The following AKAP6 variants were observed in gnomAD, a reference collection of about 807,000 sequenced individuals.
AKAP6 encodes A-kinase anchor protein 6.
AKAP6 carries 58 observed loss-of-function variants against 188.5 expected under a neutral mutation model. That is an observed-to-expected ratio of 0.31 (90% CI 0.25 to 0.38). AKAP6 has a LOEUF of 0.38. AKAP6 is among the 10% of genes least tolerant of loss of function. The pLI is 1.00. For synonymous variants in AKAP6, 989 were observed against 998.6 expected (o/e 0.99, Z 0.18); for missense variants, 2,710 against 2,740.0 (o/e 0.99, Z 0.24).
chr14:32,353,273 G>A (rs1887354240), intron 1 of AKAP6, among the ~76,000 whole-genome samples: 1 of 152,128 alleles, frequency 6.6e-6, no homozygotes, highest in South Asian at 2.1e-4. Context: ...TTAAAAGTAT[G>A]GCTTTTTGGC....
intron 12 of AKAP6, among the ~76,000 whole-genome samples, chr14:32,781,998 T>G (rs1359118988): frequency 6.6e-6 from 1 of 151,978 alleles, no homozygotes; most frequent in East Asian, 1.9e-4. Flanking sequence ...CCCCCATCTC[T>G]ACTAAAAATA....
intron 2 of AKAP6, among the ~76,000 whole-genome samples, chr14:32,519,355 A>G (rs564957899): frequency 5.9e-4 from 90 of 152,326 alleles, no homozygotes; most frequent in African/African-American, 2.0e-3. Context: ...TATTAACCGT[A>G]AGTGTAAATG....
intron 1 of AKAP6, among the ~76,000 whole-genome samples, chr14:32,420,829 A>G (rs1889816928): frequency 6.7e-6 from 1 of 150,364 alleles, no homozygotes; most frequent in Admixed American, 6.6e-5. Context: ...TCCTGTGCCT[A>G]CTTCTTTCTT....
intron 9 of AKAP6, among the ~76,000 whole-genome samples, chr14:32,725,072 T>C (rs761196279): frequency 1.3e-4 from 19 of 148,320 alleles, no homozygotes; most frequent in Non-Finnish European, 2.4e-4. Flanking sequence ...GGGTTTTTAT[T>C]TGGATTCTCT....
intron 9 of AKAP6, among the ~76,000 whole-genome samples, chr14:32,712,853 A>G (rs2029969946): frequency 6.6e-6 from 1 of 152,172 alleles, no homozygotes; most frequent in African/African-American, 2.4e-5. Flanking sequence ...ACTCCTGTTA[A>G]TGTTGATATT....
chr14:32,613,853 T>A (rs1319916112), intron 7 of AKAP6, among the ~76,000 whole-genome samples: 1 of 152,194 alleles, frequency 6.6e-6, no homozygotes, highest in Non-Finnish European at 1.5e-5. Flanking sequence ...CCCAGCTTTT[T>A]AAATGAAGTT....
intron 7 of AKAP6, among the ~76,000 whole-genome samples, chr14:32,674,055 GAGCTGGAAA>G: frequency 6.6e-6 from 1 of 152,328 alleles, no homozygotes; most frequent in South Asian, 2.1e-4. Flanking sequence ...TATCAGCTGA[GAGCTGGAAA>G]GATGAGAAGA....
chr14:32,486,927 C>T (rs1879726160), intron 2 of AKAP6, among the ~76,000 whole-genome samples: 1 of 152,124 alleles, frequency 6.6e-6, no homozygotes, highest in Admixed American at 6.5e-5. Flanking sequence ...AGCTTTTGCC[C>T]ATTCGGTATG....
chr14:32,687,396 AACTATCTC>A (rs1889969553), intron 8 of AKAP6, among the ~76,000 whole-genome samples: 3 of 116,468 alleles, frequency 2.6e-5, no homozygotes, highest in South Asian at 6.0e-4. Flanking sequence ...CTGTCATACT[AACTATCTC>A]TCTCTCTCTC....
At position 32,506,429 on chromosome 14, in the gene AKAP6, G is replaced by A. The variant is rs148720665; in HGVS notation, c.325-29125G>A. Among the ~76,000 whole-genome samples the A allele has an allele frequency of 8.7e-4, 133 of 152,248 alleles. No homozygotes were observed. In the Middle Eastern group the frequency reaches 0.01, roughly 12 times the overall value. ...AACCAAGCATGACTGAAATTCTGGAGGAAGGGACAGGGAACAGTTGATATA... is the reference window on the plus strand; with the variant it reads ...AACCAAGCATGACTGAAATTCTGGAAGAAGGGACAGGGAACAGTTGATATA... On this transcript the variant is annotated intron_variant, in intron 2 of 13. Transcript: ENST00000280979.
chr14:32,471,588 A>G (rs553486676), intron 2 of AKAP6, among the ~76,000 whole-genome samples: 1 of 152,290 alleles, frequency 6.6e-6, no homozygotes, highest in South Asian at 2.1e-4. Context: ...TGTATTATAC[A>G]TTTACTCAAT....
At chr14:32,671,700 T>G (rs536187111) in intron 7 of AKAP6, among the ~76,000 whole-genome samples, 9 of 152,122 alleles carry the variant, frequency 5.9e-5, no homozygotes, top group Non-Finnish European at 1.2e-4. Flanking sequence ...ACAGAAGGAA[T>G]AGCAGAGGAC....
intron 1 of AKAP6, among the ~76,000 whole-genome samples, chr14:32,361,389 A>G (rs144342762): frequency 2.0e-4 from 30 of 152,306 alleles, no homozygotes; most frequent in Non-Finnish European, 4.1e-4. Flanking sequence ...TGAAGAGCAC[A>G]TGCAAAGGCA....
chr14:32,796,863 C>T (rs894125577), intron 12 of AKAP6, among the ~76,000 whole-genome samples: 8 of 152,146 alleles, frequency 5.3e-5, no homozygotes, highest in African/African-American at 1.7e-4. Flanking sequence ...GAACAGACAA[C>T]CTACAGAATG....
At chr14:32,345,242 A>G (rs1222203304) in intron 1 of AKAP6, among the ~76,000 whole-genome samples, 2 of 152,238 alleles carry the variant, frequency 1.3e-5, no homozygotes, top group African/African-American at 4.8e-5. Context: ...CACACAGTCT[A>G]TCACATACAC....
intron 13 of AKAP6, 77 bp downstream of exon 13, chr14:32,824,892 C>A: frequency 8.1e-7 from 1 of 1,233,480 alleles, no homozygotes; most frequent in Non-Finnish European, 1.1e-6. Context: ...GGAGAAAAGG[C>A]TAGTCAGAAT....
At position 32,462,318 on chromosome 14, in the gene AKAP6, G is replaced by C. The variant is rs559031155; in HGVS notation, c.324+28501G>C. ...TTGTAATGAAGGAAAAAATATTAAGGGTAGCCAGAGAGAAAGGTCAGGTTA... is the reference window on the plus strand; with the variant it reads ...TTGTAATGAAGGAAAAAATATTAAGCGTAGCCAGAGAGAAAGGTCAGGTTA... On this transcript the variant is annotated intron_variant, in intron 2 of 13. Coordinates refer to ENST00000280979, the MANE Select transcript of AKAP6 (RefSeq NM_004274.5). Among the ~76,000 whole-genome samples, 235 of 152,180 alleles carry C rather than the reference G, an allele frequency of 1.5e-3. 1 individual carries two copies. The highest frequency in any genetic ancestry group is 2.8e-3 in the Non-Finnish European group (189 of 68,008).
rs1285402910 is a variant in AKAP6 at position 32,578,324 on chromosome 14, A to C, written c.2469+1082A>C. Among the ~76,000 whole-genome samples, 12 of 152,184 alleles carry C rather than the reference A, an allele frequency of 7.9e-5. No homozygotes were observed. In the East Asian group the frequency reaches 1.5e-3, roughly 20 times the overall value. On this transcript the variant is annotated intron_variant, in intron 5 of 13. Transcript: ENST00000280979. ...AACAGCTTTAAAATCCTGTTGCTGC[A>C]TGCAAATAGCCTTGCAGATGATAAA...
chr14:32,631,445 T>C (rs1313354247), intron 7 of AKAP6, among the ~76,000 whole-genome samples: 2 of 152,092 alleles, frequency 1.3e-5, no homozygotes, highest in Non-Finnish European at 2.9e-5. Context: ...CTGAGATTGG[T>C]TATATTTTAA....
Sources: gnomAD v4.1 joint callset for allele counts (sites outside exome capture counted in the v4.1 genomes callset) on GRCh38, gnomAD v4.1.1 for gene constraint, MANE v1.5 for transcripts, NCBI Gene and HGNC (gene_info 2026-07-23, HGNC 2026-07-21) for gene names.